CHN1: variants seen among roughly 807,000 people sequenced by gnomAD.
CHN1 encodes chimerin 1, also known as N-chimaerin.
Under a neutral mutation model 59.5 loss-of-function variants are expected in CHN1, and 37 were observed. That is an observed-to-expected ratio of 0.62 (90% CI 0.48 to 0.82). The LOEUF is 0.82. Ranked by LOEUF, CHN1 falls within the 40% of genes least tolerant of loss-of-function variation. The pLI, the probability that CHN1 is intolerant of heterozygous loss-of-function variation, is 0.00. For missense variants in CHN1, 469 were observed against 571.0 expected, an observed-to-expected ratio of 0.82 and a Z score of 1.82; for synonymous variants, 206 against 200.4, an observed-to-expected ratio of 1.03 and a Z score of -0.24.
intron 1 of CHN1, among the ~76,000 whole-genome samples, chr2:174,954,085 C>G (rs181415041): frequency 1.3e-4 from 20 of 152,158 alleles, no homozygotes; most frequent in Non-Finnish European, 2.5e-4. Context: ...GTACTGGTAT[C>G]AAAATAAGGA....
At chr2:174,933,862 G>A (rs547412448) in intron 3 of CHN1, among the ~76,000 whole-genome samples, 6 of 152,328 alleles carry the variant, frequency 3.9e-5, no homozygotes, top group African/African-American at 1.2e-4. Context: ...AAGCAAGAAT[G>A]CAGAACATAC....
At chr2:174,918,330 A>G (rs1341854306) in intron 4 of CHN1, among the ~76,000 whole-genome samples, 1 of 152,080 alleles carries the variant, frequency 6.6e-6, no homozygotes. Context: ...TTGCATGTAC[A>G]TTTTCCCATG....
chr2:174,866,391 G>A (rs1687216116), intron 6 of CHN1, among the ~76,000 whole-genome samples: 1 of 152,098 alleles, frequency 6.6e-6, no homozygotes, highest in African/African-American at 2.4e-5. Context: ...CAAAAGTGAT[G>A]TAATATTAAA....
At chr2:174,985,765 A>C (rs1404178925) in intron 1 of CHN1, among the ~76,000 whole-genome samples, 2 of 152,202 alleles carry the variant, frequency 1.3e-5, no homozygotes, top group African/African-American at 4.8e-5. Flanking sequence ...AGTCTTGACT[A>C]AAGCTTCTAG....
chr2:174,990,256 TGTGTGTGAGAGA>T (rs1354907499), intron 1 of CHN1, among the ~76,000 whole-genome samples: 2 of 95,392 alleles, frequency 2.1e-5, no homozygotes, highest in African/African-American at 6.8e-5. Flanking sequence ...TGTGTGTGTG[TGTGTGTGAGAGA>T]GAGAGAGAGA....
intron 1 of CHN1, among the ~76,000 whole-genome samples, chr2:174,982,133 T>C (rs910311824): frequency 1.6e-4 from 25 of 152,232 alleles, no homozygotes; most frequent in Non-Finnish European, 2.9e-4. Context: ...GAACTCATCA[T>C]TTTTTATGAC....
rs60284832 is a variant in CHN1 at position 174,852,206 on chromosome 2, G to A, written c.550-5249C>T. ...TAGGAGGCTGAGGCAGGAGAATCACGTGAACCTGGGAGGCAGTGGTTGCAG... is the reference window on the plus strand; with the variant it reads ...TAGGAGGCTGAGGCAGGAGAATCACATGAACCTGGGAGGCAGTGGTTGCAG... On this transcript the variant is annotated intron_variant, in intron 6 of 12. Coordinates refer to ENST00000409900, the MANE Select transcript of CHN1 (RefSeq NM_001822.7). Among the ~76,000 whole-genome samples the A allele has an allele frequency of 1.1e-3, 170 of 152,024 alleles. 1 individual carries two copies. The highest frequency in any genetic ancestry group is 3.9e-3 in the African/African-American group (163 of 41,490).
At chr2:174,801,174 A>G (rs774714506) in intron 12 of CHN1, among the ~76,000 whole-genome samples, 1 of 152,130 alleles carries the variant, frequency 6.6e-6, no homozygotes, top group Non-Finnish European at 1.5e-5. Flanking sequence ...ACCACAATTA[A>G]CTGAAATACT....
At chr2:174,907,053 C>T (rs1688564825) in intron 5 of CHN1, among the ~76,000 whole-genome samples, 1 of 152,122 alleles carries the variant, frequency 6.6e-6, no homozygotes, top group South Asian at 2.1e-4. Flanking sequence ...AACTCAAAGG[C>T]TCTGAACACT....
chr2:174,844,946 C>T (rs1367901806), intron 7 of CHN1, among the ~76,000 whole-genome samples: 3 of 151,992 alleles, frequency 2.0e-5, no homozygotes, highest in Non-Finnish European at 2.9e-5. Flanking sequence ...AAGGAAGAAG[C>T]TTTCCATTTT....
chr2:174,820,635 G>A (rs570933854), intron 8 of CHN1, among the ~76,000 whole-genome samples: 12 of 152,306 alleles, frequency 7.9e-5, no homozygotes, highest in African/African-American at 1.4e-4. Context: ...TGAATAGCCC[G>A]TGTAATGTAA....
rs574607545 is a variant in CHN1, at chr2:175,004,045, C to T, written c.19+849G>A. Among the ~76,000 whole-genome samples the T allele has an allele frequency of 1.1e-4, 17 of 152,278 alleles. No individual in the cohort carries two copies. In the East Asian group the frequency reaches 3.1e-3, roughly 28 times the overall value. On this transcript the variant is annotated intron_variant, in intron 1 of 12. Transcript: ENST00000409900. ...GTTCTCGTAGCTATCAATTACATAT[C>T]ATTGTACTTTGCTTCTTCAAAAAAG...
intron 5 of CHN1, among the ~76,000 whole-genome samples, chr2:174,903,660 C>G (rs1044516553): frequency 5.3e-5 from 8 of 151,872 alleles, no homozygotes; most frequent in African/African-American, 1.9e-4. Flanking sequence ...TGCAAATACG[C>G]TTATTTTTAT....
At chr2:174,861,759 T>C (rs975205164) in intron 6 of CHN1, among the ~76,000 whole-genome samples, 1 of 152,184 alleles carries the variant, frequency 6.6e-6, no homozygotes, top group Non-Finnish European at 1.5e-5. Flanking sequence ...TGAAAACAAT[T>C]GTTGTGCTGA....
intron 6 of CHN1, among the ~76,000 whole-genome samples, chr2:174,866,673 G>A (rs1386590941): frequency 6.6e-6 from 1 of 152,166 alleles, no homozygotes; most frequent in Admixed American, 6.5e-5. Flanking sequence ...ACTGCAGATG[G>A]AAATTATGGA....
At chr2:174,988,267 G>C (rs1184277737) in intron 1 of CHN1, among the ~76,000 whole-genome samples, 7 of 151,016 alleles carry the variant, frequency 4.6e-5, no homozygotes, top group Non-Finnish European at 1.0e-4. Context: ...TGAGGCAGGA[G>C]AATGGCGTGA....
chr2:174,857,246 T>C (rs1686932083), intron 6 of CHN1, among the ~76,000 whole-genome samples: 1 of 152,166 alleles, frequency 6.6e-6, no homozygotes, highest in African/African-American at 2.4e-5. Context: ...TGGACTAGAA[T>C]ACTCAGCGTC....
chr2:174,899,541 T>C (rs1004892199), intron 5 of CHN1, among the ~76,000 whole-genome samples: 2 of 152,222 alleles, frequency 1.3e-5, no homozygotes, highest in Non-Finnish European at 2.9e-5. Flanking sequence ...AATTTTTCAG[T>C]GGTTACCTTT....
intron 3 of CHN1, among the ~76,000 whole-genome samples, chr2:174,926,528 A>G (rs1309022137): frequency 2.0e-5 from 3 of 152,190 alleles, no homozygotes; most frequent in Non-Finnish European, 4.4e-5. Context: ...GTAAATTGAT[A>G]GCTCACTTTC....
Sources: allele counts gnomAD v4.1 joint callset (sites outside exome capture counted in the v4.1 genomes callset), GRCh38; gene constraint gnomAD v4.1.1; transcripts MANE v1.5; gene names NCBI Gene and HGNC (gene_info 2026-07-23, HGNC 2026-07-21).